DACH1: variants seen among roughly 807,000 people sequenced by gnomAD.
DACH1 encodes the protein dachshund family transcription factor 1.
Under a neutral mutation model 54.2 loss-of-function variants are expected in DACH1, and 12 were observed. The ratio of observed to expected loss-of-function variants is 0.22; its 90% confidence interval spans 0.14 to 0.36. The LOEUF is 0.36. DACH1 is among the 10% of genes least tolerant of loss of function. The probability of loss-of-function intolerance (pLI) is 1.00; values close to 1 mark genes in which losing one functional copy is unlikely to be tolerated. For missense variants in DACH1, 805 were observed against 929.8 expected, an observed-to-expected ratio of 0.87 and a Z score of 1.75; for synonymous variants, 386 against 366.2, an observed-to-expected ratio of 1.05 and a Z score of -0.62.
intron 2 of DACH1, among the ~76,000 whole-genome samples, chr13:71,639,113 C>CAGT (rs1305357437): frequency 6.6e-6 from 1 of 152,074 alleles, no homozygotes; most frequent in Non-Finnish European, 1.5e-5. Context: ...TTGAAAACAC[C>CAGT]AGTACCTTTT....
At chr13:71,687,604 T>G (rs983337570) in intron 1 of DACH1, among the ~76,000 whole-genome samples, 1 of 152,204 alleles carries the variant, frequency 6.6e-6, no homozygotes, top group Non-Finnish European at 1.5e-5. Flanking sequence ...GTTTAAAACA[T>G]AAAAACAAAT....
chr13:71,449,355 G>C (rs1013212486), intron 10 of DACH1, among the ~76,000 whole-genome samples: 2 of 151,882 alleles, frequency 1.3e-5, no homozygotes, highest in Non-Finnish European at 2.9e-5. Flanking sequence ...AAAAGAAATA[G>C]GTAATGAATT....
At chr13:71,749,042 T>A (rs1453265491) in intron 1 of DACH1, among the ~76,000 whole-genome samples, 1 of 151,590 alleles carries the variant, frequency 6.6e-6, no homozygotes, top group Non-Finnish European at 1.5e-5. Context: ...TGGAATACAG[T>A]GGCATGATCT....
chr13:71,828,325 T>A lies in DACH1; in HGVS notation c.848+37597A>T, dbSNP rs540055480. ...GGTAACGGAAAGGCTCGGGACAGAG[T>A]GATAAGATCTGTGTCTGCTTCTCTC... is the stretch of plus-strand genomic sequence containing the variant. On this transcript the variant is annotated intron_variant, in intron 1 of 10. Coordinates refer to ENST00000613252, the MANE Select transcript of DACH1 (RefSeq NM_080759.6). Among the ~76,000 whole-genome samples, 7 of 151,996 alleles carry A rather than the reference T, an allele frequency of 4.6e-5. No individual in the cohort carries two copies. In the South Asian group the frequency reaches 1.5e-3, roughly 32 times the overall value.
At chr13:71,748,008 C>T (rs776011580) in intron 1 of DACH1, among the ~76,000 whole-genome samples, 3 of 152,026 alleles carry the variant, frequency 2.0e-5, no homozygotes, top group African/African-American at 7.3e-5. Context: ...TATGGAGAGA[C>T]CTTTGGGGGA....
chr13:71,720,776 AGTTAT>A (rs1228735557), intron 1 of DACH1, among the ~76,000 whole-genome samples: 16 of 152,286 alleles, frequency 1.1e-4, no homozygotes, highest in African/African-American at 3.8e-4. Context: ...GATAGCAGAC[AGTTAT>A]GTTCTCTAAA....
intron 4 of DACH1, among the ~76,000 whole-genome samples, chr13:71,563,960 C>A (rs945748660): frequency 6.6e-6 from 1 of 151,852 alleles, no homozygotes; most frequent in African/African-American, 2.4e-5. Flanking sequence ...TAATTTCAAT[C>A]TTTGGAACCT....
intron 3 of DACH1, among the ~76,000 whole-genome samples, chr13:71,575,476 T>C (rs1046512617): frequency 1.3e-5 from 2 of 152,016 alleles, no homozygotes; most frequent in African/African-American, 2.4e-5. Flanking sequence ...ACTGCCACGA[T>C]AAATAAATAA....
At chr13:71,735,038 T>A (rs946187548) in intron 1 of DACH1, among the ~76,000 whole-genome samples, 2 of 150,198 alleles carry the variant, frequency 1.3e-5, no homozygotes, top group African/African-American at 4.9e-5. Context: ...GATATATATA[T>A]GGGATATACG....
intron 4 of DACH1, among the ~76,000 whole-genome samples, chr13:71,567,216 C>T (rs1884944149): frequency 6.6e-6 from 1 of 151,860 alleles, no homozygotes; most frequent in Non-Finnish European, 1.5e-5. Flanking sequence ...GTCATATTCC[C>T]TATTTTCAGA....
rs1873798706 is a variant in DACH1, at chr13:71,439,302, A to G, written c.*1353T>C. 6.6e-6 allele frequency: 1 copy of G among 152,484 alleles called. No homozygotes were observed. Among genetic ancestry groups the G allele is most frequent in the South Asian group, 2.1e-4 (1 of 4,834 alleles). 9.4% of individuals were successfully genotyped at this position (152,484 alleles called of 1,614,324 possible). The stretch of plus-strand genomic sequence containing the variant: ...GAGAAGGTAACTTTAGCATGTAATA[A>G]GCACTGTTTGCCGCTTTACTTCCAG... On this transcript the variant is annotated 3_prime_UTR_variant, in exon 11 of 11. Coordinates refer to ENST00000613252, the MANE Select transcript of DACH1 (RefSeq NM_080759.6).
intron 2 of DACH1, among the ~76,000 whole-genome samples, chr13:71,653,299 G>A (rs78889128): frequency 2.0e-5 from 3 of 152,214 alleles, no homozygotes; most frequent in South Asian, 2.1e-4. Flanking sequence ...AACATCAGCT[G>A]GTTCTAAGGT....
intron 2 of DACH1, among the ~76,000 whole-genome samples, chr13:71,635,343 T>C (rs1280316327): frequency 6.6e-6 from 1 of 152,182 alleles, no homozygotes; most frequent in Admixed American, 6.5e-5. Flanking sequence ...GAACTTCCTG[T>C]TGGCCTTGCA....
chr13:71,699,499 C>A (rs1263318513), intron 1 of DACH1, among the ~76,000 whole-genome samples: 1 of 152,150 alleles, frequency 6.6e-6, no homozygotes, highest in African/African-American at 2.4e-5. Flanking sequence ...GAAGGCATGG[C>A]CTCTTTGGAG....
intron 1 of DACH1, among the ~76,000 whole-genome samples, chr13:71,816,974 T>G (rs748057106): frequency 6.6e-6 from 1 of 152,062 alleles, no homozygotes; most frequent in Non-Finnish European, 1.5e-5. Context: ...GCTTGATGAC[T>G]GGGTGATGAA....
intron 2 of DACH1, among the ~76,000 whole-genome samples, chr13:71,653,033 G>A (rs1878795142): frequency 1.3e-5 from 2 of 152,152 alleles, no homozygotes; most frequent in South Asian, 4.1e-4. Context: ...TGCAAGTCCA[G>A]ATTCGGAAGC....
intron 1 of DACH1, among the ~76,000 whole-genome samples, chr13:71,697,138 C>A (rs1881874294): frequency 6.6e-6 from 1 of 152,026 alleles, no homozygotes; most frequent in Non-Finnish European, 1.5e-5. Context: ...ATCTGTCTTG[C>A]ATATTTCATG....
At chr13:71,483,457 TAAC>T (rs1329653951) in intron 7 of DACH1, among the ~76,000 whole-genome samples, 7 of 146,632 alleles carry the variant, frequency 4.8e-5, no homozygotes, top group Non-Finnish European at 9.0e-5. Context: ...ATATAATAAA[TAAC>T]AAATAATACC....
chr13:71,660,505 T>A (rs1464205497), intron 2 of DACH1, among the ~76,000 whole-genome samples: 2 of 152,074 alleles, frequency 1.3e-5, no homozygotes, highest in Non-Finnish European at 2.9e-5. Context: ...ATTGGGGTTA[T>A]GAGACAACCA....
Sources: allele counts gnomAD v4.1 joint callset (sites outside exome capture counted in the v4.1 genomes callset), GRCh38; gene constraint gnomAD v4.1.1; transcripts MANE v1.5; gene names NCBI Gene and HGNC (gene_info 2026-07-23, HGNC 2026-07-21).